The following LDLRAD4 variants were observed in gnomAD, a reference collection of about 807,000 sequenced individuals.
The protein encoded by LDLRAD4 is low density lipoprotein receptor class A domain containing 4, also known as low-density lipoprotein receptor class A domain-containing protein 4.
LDLRAD4 carries 5 observed loss-of-function variants against 17.0 expected under a neutral mutation model. The ratio of observed to expected loss-of-function variants is 0.29; its 90% CI spans 0.15 to 0.62. The LOEUF is 0.62. Among genes scored for constraint, LDLRAD4 ranks in the 20% least tolerant of loss-of-function variants. The pLI is 0.84. For synonymous variants in LDLRAD4, 168 were observed against 171.8 expected (o/e 0.98, Z 0.17); for missense variants, 340 against 424.7 (o/e 0.80, Z 1.75).
intron 1 of LDLRAD4, among the ~76,000 whole-genome samples, chr18:13,369,696 C>A (rs909595794): frequency 6.6e-6 from 1 of 152,204 alleles, no homozygotes; most frequent in Non-Finnish European, 1.5e-5. Context: ...ACTGCAGCAC[C>A]TTGGATAAAT....
chr18:13,473,669 AT>A lies in LDLRAD4; in HGVS notation c.181+35286del, dbSNP rs1568213934. Among the ~76,000 whole-genome samples, 821 of 110,534 alleles carry A rather than the reference AT, an allele frequency of 7.4e-3. 41 individuals are homozygous for A. Among genetic ancestry groups the A allele is most frequent in the African/African-American group, 0.013 (396 of 30,004 alleles). 72.5% of individuals were successfully genotyped at this position (110,534 alleles called of 152,430 possible). A position where few individuals can be genotyped will look rare whatever the true frequency, so the allele number is the denominator to read the frequency against. On this transcript the variant is annotated intron_variant, in intron 3 of 5. Transcript: ENST00000359446. ...TATATATATATATATATATATATAT[AT>A]ATATATATAACGTTTACATTTTATA... is the stretch of plus-strand genomic sequence containing the variant.
chr18:13,485,588 G>C (rs932572325), intron 3 of LDLRAD4, among the ~76,000 whole-genome samples: 7 of 152,230 alleles, frequency 4.6e-5, no homozygotes, highest in African/African-American at 9.6e-5. Flanking sequence ...GATGTGCCCT[G>C]CTGGGCCCGG....
chr18:13,451,503 C>T (rs906290062), intron 3 of LDLRAD4, among the ~76,000 whole-genome samples: 1 of 152,196 alleles, frequency 6.6e-6, no homozygotes, highest in Non-Finnish European at 1.5e-5. Context: ...CACTATGCCT[C>T]CTTATGTAGC....
intron 3 of LDLRAD4, among the ~76,000 whole-genome samples, chr18:13,573,927 C>A (rs775283919): frequency 1.3e-5 from 2 of 152,202 alleles, no homozygotes; most frequent in Non-Finnish European, 2.9e-5. Context: ...CTCCGCATTT[C>A]CTGGTCAGGA....
chr18:13,634,690 A>G (rs2041938902), intron 4 of LDLRAD4, among the ~76,000 whole-genome samples: 1 of 152,000 alleles, frequency 6.6e-6, no homozygotes. Flanking sequence ...AATCCCAATG[A>G]GGCTTTTTGC....
intron 2 of LDLRAD4, among the ~76,000 whole-genome samples, chr18:13,403,341 G>T (rs1028862241): frequency 6.6e-6 from 1 of 152,176 alleles, no homozygotes; most frequent in Non-Finnish European, 1.5e-5. Flanking sequence ...ATGGGGACTG[G>T]AGTCTCTCTT....
intron 4 of LDLRAD4, among the ~76,000 whole-genome samples, chr18:13,628,433 T>C (rs2041366502): frequency 6.6e-6 from 1 of 152,236 alleles, no homozygotes; most frequent in South Asian, 2.1e-4. Flanking sequence ...TCTCCGTTAC[T>C]GCATTTCACG....
rs76446078 is a variant in LDLRAD4 at position 13,398,767 on chromosome 18, C to T, written c.40+11005C>T. On this transcript the variant is annotated intron_variant, in intron 2 of 5. Transcript: ENST00000359446. The surrounding 1 kb of genome is among the most constrained non-coding windows in gnomAD (Gnocchi z 4.8). ...GACCACCAGCCTGGACGTGGGGATA[C>T]GTCTCTGCAGAACCAGGCCCTGCCA... Among the ~76,000 whole-genome samples the T allele has an allele frequency of 8.6e-3, 1,302 of 152,158 alleles. 20 individuals carry two copies. The highest frequency in any genetic ancestry group is 0.03 in the African/African-American group (1,235 of 41,490).
chr18:13,571,966 C>G (rs1296406757), intron 3 of LDLRAD4, among the ~76,000 whole-genome samples: 1 of 152,162 alleles, frequency 6.6e-6, no homozygotes, highest in African/African-American at 2.4e-5. Flanking sequence ...TCATTGTTAA[C>G]CTAAGTGAAG....
At chr18:13,563,927 TC>T in intron 3 of LDLRAD4, among the ~76,000 whole-genome samples, 1 of 6,682 alleles carries the variant, frequency 1.5e-4, no homozygotes, top group East Asian at 0.12. Flanking sequence ...TTTAAGAGAG[TC>T]TCTCTCTCTC....
intron 1 of LDLRAD4, among the ~76,000 whole-genome samples, chr18:13,313,376 C>T (rs1449282384): frequency 6.6e-6 from 1 of 152,200 alleles, no homozygotes; most frequent in Non-Finnish European, 1.5e-5. Context: ...AGCCCACTCA[C>T]ACAGAGCACA....
chr18:13,341,780 T>C (rs1286582309), intron 1 of LDLRAD4, among the ~76,000 whole-genome samples: 1 of 152,166 alleles, frequency 6.6e-6, no homozygotes, highest in Non-Finnish European at 1.5e-5. Context: ...TGAATAGAAA[T>C]GGCAAAAGTG....
At chr18:13,570,790 C>T (rs1004331569) in intron 3 of LDLRAD4, among the ~76,000 whole-genome samples, 2 of 151,398 alleles carry the variant, frequency 1.3e-5, no homozygotes, top group African/African-American at 4.9e-5. Flanking sequence ...TTTTTCTTTT[C>T]CTTCCTTCCT....
At chr18:13,580,021 A>G (rs943128636) in intron 3 of LDLRAD4, among the ~76,000 whole-genome samples, 1 of 152,214 alleles carries the variant, frequency 6.6e-6, no homozygotes, top group Non-Finnish European at 1.5e-5. Flanking sequence ...CATGTCAGCC[A>G]TAAATGAGTC....
At chr18:13,413,336 C>G (rs1321931516) in intron 2 of LDLRAD4, among the ~76,000 whole-genome samples, 1 of 152,198 alleles carries the variant, frequency 6.6e-6, no homozygotes, top group South Asian at 2.1e-4. Context: ...GTCAACTGTT[C>G]GTAAATTCCG....
At position 13,645,569 on chromosome 18, in the gene LDLRAD4, G is replaced by T. The variant is rs2042979451; in HGVS notation, c.833G>T (p.Gly278Val). 1.2e-6 allele frequency: 2 copies of T among 1,602,756 alleles called. No homozygotes were observed. Among genetic ancestry groups the T allele is most frequent in the Non-Finnish European group, 1.7e-6 (2 of 1,175,052 alleles). Reference sequence around the variant, plus strand: ...CACCAGCGCAGCAACGCACACAGGGGCAGCAGACTGCAGTTTCAGCAGAAC... The same window carrying T: ...CACCAGCGCAGCAACGCACACAGGGTCAGCAGACTGCAGTTTCAGCAGAAC... The change falls in exon 6 of 6, where the codon GGC becomes GTC. Residue 278 changes from glycine to valine, a missense_variant. Transcript: ENST00000359446. The surrounding 1 kb of genome is among the most constrained non-coding windows in gnomAD (Gnocchi z 5.7).
chr18:13,292,922 C>T (rs1015133044), intron 1 of LDLRAD4, among the ~76,000 whole-genome samples: 12 of 152,218 alleles, frequency 7.9e-5, no homozygotes, highest in African/African-American at 2.7e-4. Flanking sequence ...GGAAATGAGA[C>T]GATGACGGAG....
At chr18:13,494,902 G>T (rs1423278196) in intron 3 of LDLRAD4, among the ~76,000 whole-genome samples, 1 of 150,032 alleles carries the variant, frequency 6.7e-6, no homozygotes. Flanking sequence ...TTTTCCTGTT[G>T]TTACACTAGT....
intron 3 of LDLRAD4, among the ~76,000 whole-genome samples, chr18:13,504,104 A>C (rs1559861): frequency 0.64 from 97,043 of 151,670 alleles, 31,306 homozygotes; most frequent in East Asian, 0.73. Flanking sequence ...CTTGAATCAC[A>C]CAAGTGGTAA....
Sources: allele counts gnomAD v4.1 joint callset (sites outside exome capture counted in the v4.1 genomes callset), GRCh38; gene constraint gnomAD v4.1.1; non-coding constraint Gnocchi (gnomAD v3.1); transcripts MANE v1.5; gene names NCBI Gene and HGNC (gene_info 2026-07-23, HGNC 2026-07-21).